PLCE1: variants seen among roughly 807,000 people sequenced by gnomAD.
PLCE1 encodes the protein phospholipase C epsilon 1.
PLCE1 carries 119 observed loss-of-function variants against 242.8 expected under a neutral mutation model. The ratio of observed to expected loss-of-function variants is 0.49; its 90% CI spans 0.42 to 0.57. The LOEUF (loss-of-function observed/expected upper bound fraction) is 0.57. Ranked by LOEUF, PLCE1 falls within the 20% of genes least tolerant of loss-of-function variation. The probability of loss-of-function intolerance (pLI) is 0.00; values close to 1 mark genes in which losing one functional copy is unlikely to be tolerated. For missense variants in PLCE1, 2,441 were observed against 2,788.8 expected (o/e 0.88, Z 2.81); for synonymous variants, 945 against 1,017.4 (o/e 0.93, Z 1.35).
intron 8 of PLCE1, among the ~76,000 whole-genome samples, chr10:94,251,483 A>G (rs1207905818): frequency 1.3e-5 from 2 of 152,210 alleles, no homozygotes; most frequent in Non-Finnish European, 2.9e-5. Flanking sequence ...AGTACATGGA[A>G]ATTAATTTTT....
intron 3 of PLCE1, chr10:94,138,043 T>C (rs2046840275): frequency 2.7e-6 from 1 of 373,796 alleles, no homozygotes; most frequent in Non-Finnish European, 5.3e-6. Flanking sequence ...GTCCAGTATT[T>C]CATGGCCTCT....
chr10:94,283,164 GATT>G (rs1211550803), intron 20 of PLCE1: 1 of 152,130 alleles, frequency 6.6e-6, no homozygotes, highest in Non-Finnish European at 1.5e-5. Context: ...CAAAATATAA[GATT>G]ATATCTTATG....
In PLCE1 at chr10:94,234,613, G is replaced by A. The variant is rs113564564; in HGVS notation, c.2214+301G>A. On this transcript the variant is annotated intron_variant, in intron 6 of 32. Transcript: ENST00000371380. ...AAGATTGACAGGTTTTTCTTATTGG[G>A]TGGGAATGTCTGGATGCAGGGGATG... is the stretch of plus-strand genomic sequence containing the variant. Among the ~76,000 whole-genome samples, 1,266 of 152,302 alleles carry A rather than the reference G, an allele frequency of 8.3e-3. 25 individuals are homozygous for A. The highest frequency in any genetic ancestry group is 0.029 in the African/African-American group (1,208 of 41,560).
intron 19 of PLCE1, 88 bp downstream of exon 19, chr10:94,273,808 C>A: frequency 8.1e-7 from 1 of 1,229,758 alleles, no homozygotes; most frequent in Non-Finnish European, 1.2e-6. Flanking sequence ...AGATGACCTG[C>A]TGGTTTACTA....
At chr10:94,277,539 G>A (rs138940849) in intron 19 of PLCE1, among the ~76,000 whole-genome samples, 348 of 152,194 alleles carry the variant, frequency 2.3e-3, no homozygotes, top group African/African-American at 7.6e-3. Flanking sequence ...ACTGCTATTC[G>A]TGGTTCTTTG....
chr10:94,102,085 G>A (rs2045559684), intron 2 of PLCE1, among the ~76,000 whole-genome samples: 3 of 152,244 alleles, frequency 2.0e-5, no homozygotes, highest in Admixed American at 2.0e-4. Flanking sequence ...ACATGAGCCA[G>A]ATGCATTGAA....
intron 5 of PLCE1, among the ~76,000 whole-genome samples, chr10:94,229,381 G>C (rs1483131010): frequency 6.6e-6 from 1 of 152,194 alleles, no homozygotes; most frequent in East Asian, 1.9e-4. Flanking sequence ...TCACAGCACG[G>C]TGACTGGCTC....
rs530087728 is a variant in PLCE1 at position 94,088,517 on chromosome 10, A to G, written c.1207-43657A>G. Among the ~76,000 whole-genome samples, 176 of 152,336 alleles carry G rather than the reference A, an allele frequency of 1.2e-3. 1 individual carries two copies. The highest frequency in any genetic ancestry group is 2.3e-3 in the South Asian group (11 of 4,830). On this transcript the variant is annotated intron_variant, in intron 2 of 32. Coordinates refer to ENST00000371380, the MANE Select transcript of PLCE1 (RefSeq NM_016341.4). ...AGTAATCAATAGCAGTTGCCCATCA[A>G]TAATAGGGCTAGGAACTCCTGGGTT...
Position 94,298,794 on chromosome 10 carries a change from T to A in PLCE1, c.5458+125T>A. 1 of 959,330 alleles carries A rather than the reference T, an allele frequency of 1.0e-6. No individual in the cohort carries two copies. Among genetic ancestry groups the A allele is most frequent in the Non-Finnish European group, 1.7e-6 (1 of 599,374 alleles). The allele number at this position is 959,330 out of a possible 1,614,324, so 59.4% of individuals were successfully genotyped here. A position where few individuals can be genotyped will look rare whatever the true frequency, so the allele number is the denominator to read the frequency against. On this transcript the variant is annotated intron_variant, in intron 24 of 32. Coordinates refer to ENST00000371380, the MANE Select transcript of PLCE1 (RefSeq NM_016341.4). This position sits in a 1 kb window ranked among gnomAD's most constrained non-coding sequence, Gnocchi z 5.2. ...CACACCATATGTGAGAGTAAAAATA[T>A]GATGATGGAAAACAGAAGTGAATTT...
At chr10:94,155,556 T>TTATGGTGATAG (rs776807367) in intron 3 of PLCE1, 1 of 152,046 alleles carries the variant, frequency 6.6e-6, no homozygotes, top group Non-Finnish European at 1.5e-5. Flanking sequence ...TGTTCTGAAA[T>TTATGGTGATAG]TGATTATGGT....
chr10:94,024,661 G>T (rs1056979693), intron 1 of PLCE1, among the ~76,000 whole-genome samples: 3 of 151,938 alleles, frequency 2.0e-5, no homozygotes, highest in African/African-American at 7.3e-5. Flanking sequence ...ATTAGTTTTT[G>T]TTATTGTTGT....
rs1419597023 is a variant in PLCE1 at position 94,246,362 on chromosome 10, T to A, written c.2837T>A (p.Met946Lys). The change falls in exon 8 of 33, where the codon ATG becomes AAG. Residue 946 changes from methionine to lysine, a missense_variant. This residue lies in a region of PLCE1 where 733 missense variants were observed against 754.2 expected (regional missense o/e 0.97). Transcript: ENST00000371380. ...CTTTTTGCAGTGAAGGCTGTATACATGGGCCACCCTGGCATTGATATACAC... is the reference window on the plus strand; with the variant it reads ...CTTTTTGCAGTGAAGGCTGTATACAAGGGCCACCCTGGCATTGATATACAC... Reference protein sequence around the residue: ...LDLFAVKAVYMGHPGIDIHTV... With the variant: ...LDLFAVKAVYKGHPGIDIHTV... 1 of 1,614,180 alleles carries A rather than the reference T, an allele frequency of 6.2e-7. No homozygotes were observed. Among genetic ancestry groups the A allele is most frequent in the Non-Finnish European group, 8.5e-7 (1 of 1,180,012 alleles).
intron 2 of PLCE1, among the ~76,000 whole-genome samples, chr10:94,095,281 A>G (rs1045168591): frequency 5.3e-5 from 8 of 152,092 alleles, no homozygotes; most frequent in Non-Finnish European, 1.2e-4. Context: ...GCCTTTTCCT[A>G]TTGGCTCCTT....
chr10:94,139,484 G>C (rs1476880999), intron 3 of PLCE1: 2 of 156,674 alleles, frequency 1.3e-5, no homozygotes, highest in Non-Finnish European at 2.9e-5. Context: ...AAGGGGTCCA[G>C]AAGGAGGTCA....
At chr10:94,175,007 T>C (rs2689705) in intron 4 of PLCE1, among the ~76,000 whole-genome samples, 98,877 of 152,068 alleles carry the variant, frequency 0.65, 35,855 homozygotes, top group Non-Finnish European at 0.8. Context: ...AAGAACTCTC[T>C]GTACTGTCTT....
chr10:94,162,163 G>T (rs2047638458), intron 3 of PLCE1, among the ~76,000 whole-genome samples: 1 of 152,130 alleles, frequency 6.6e-6, no homozygotes, highest in African/African-American at 2.4e-5. Flanking sequence ...GGATGATGCT[G>T]GTCTCATAAA....
intron 1 of PLCE1, among the ~76,000 whole-genome samples, chr10:93,999,065 A>T (rs561772240): frequency 3.3e-5 from 5 of 152,306 alleles, no homozygotes; most frequent in African/African-American, 1.2e-4. Context: ...AGGGTGGCAC[A>T]TTGGTATTAT....
intron 10 of PLCE1, 104 bp downstream of exon 10, chr10:94,254,411 T>A: frequency 1.2e-6 from 1 of 809,678 alleles, no homozygotes. Context: ...CAAACATTTC[T>A]AACAAAACTC....
chr10:94,191,071 G>A (rs35173192), intron 4 of PLCE1, among the ~76,000 whole-genome samples: 16,441 of 152,096 alleles, frequency 0.11, 1,007 homozygotes, highest in South Asian at 0.14. Flanking sequence ...AAATTAAGGG[G>A]CCCCAGCCTC....
Sources: gnomAD v4.1 joint callset for allele counts (sites outside exome capture counted in the v4.1 genomes callset) on GRCh38, gnomAD v4.1.1 for gene constraint, gnomAD v4.1.1 regional missense constraint, Gnocchi (gnomAD v3.1) non-coding constraint, MANE v1.5 for transcripts, NCBI Gene and HGNC (gene_info 2026-07-23, HGNC 2026-07-21) for gene names.